FGFR2: variants seen among roughly 807,000 people sequenced by gnomAD.
The protein encoded by FGFR2 is fibroblast growth factor receptor 2, also known as BEK fibroblast growth factor receptor.
Under a neutral mutation model 95.9 loss-of-function variants are expected in FGFR2, and 19 were observed. The ratio of observed to expected loss-of-function variants is 0.20; its 90% CI spans 0.14 to 0.29. The LOEUF is 0.29. Ranked by LOEUF, FGFR2 falls within the 10% of genes least tolerant of loss-of-function variation. The probability of loss-of-function intolerance (pLI) is 1.00; values close to 1 mark genes in which losing one functional copy is unlikely to be tolerated. For synonymous variants in FGFR2, 392 were observed against 393.3 expected (o/e 1.00, Z 0.04); for missense variants, 707 against 1,056.9 (o/e 0.67, Z 4.59).
intron 4 of FGFR2, among the ~76,000 whole-genome samples, chr10:121,559,620 T>C (rs1856664331): frequency 6.6e-6 from 1 of 152,238 alleles, no homozygotes; most frequent in South Asian, 2.1e-4. Context: ...AGTATCTCCC[T>C]GGTACAGCTA....
chr10:121,481,883 C>T (rs1489193570), intron 17 of FGFR2: 2 of 214,872 alleles, frequency 9.3e-6, no homozygotes, highest in Non-Finnish European at 1.7e-5. Context: ...GTCGCCAAGG[C>T]TGGAATGCAA....
At position 121,525,620 on chromosome 10, in the gene FGFR2, TGAGG is replaced by T. The variant is rs539329117; in HGVS notation, c.749-5455_749-5452del. 1.1e-4 allele frequency among the ~76,000 whole-genome samples: 4 copies of T among 37,252 alleles called. No homozygotes were observed. The South Asian group carries it at 0.011, about 100-fold the overall frequency. 24.4% of individuals were successfully genotyped at this position (37,252 alleles called of 152,430 possible). ...CTGCTTCCTTCCAAGAGGTCATTAT[TGAGG>T]GAGAGAGAGAGAGAGAGAGAGAGGA... On this transcript the variant is annotated intron_variant, in intron 6 of 17. Transcript: ENST00000358487.
At position 121,593,717 on chromosome 10, in the gene FGFR2, T is replaced by A. The variant is rs1863014865; in HGVS notation, c.101A>T (p.Glu34Val). The change falls in exon 2 of 18, where the codon GAG (glutamate) becomes GTG (valine). Residue 34 changes from glutamate to valine, a missense_variant. This residue lies in a region of FGFR2 where 178 missense variants were observed against 194.1 expected (regional missense o/e 0.92). Transcript: ENST00000358487. ...SFSLVEDTTL[E>V]PEEPPTKYQI... is the part of the protein sequence containing the mutation. ...GAAATTAAATGACTTACCTTCTGGCTCTAATGTGGTATCCTCAACTAAACT... is the reference window on the plus strand; with the variant it reads ...GAAATTAAATGACTTACCTTCTGGCACTAATGTGGTATCCTCAACTAAACT... 6.2e-7 allele frequency: 1 copy of A among 1,613,932 alleles called. No individual in the cohort carries two copies. Among genetic ancestry groups the A allele is most frequent in the Non-Finnish European group, 8.5e-7 (1 of 1,179,826 alleles).
rs3135743 is a variant in FGFR2, at chr10:121,551,774, A to T, written c.455-315T>A. Reference sequence around the variant, plus strand: ...TCATGTTTTAAAATGCTATTTTATAAACATATGAACAACATATACAACTGC... The same window carrying T: ...TCATGTTTTAAAATGCTATTTTATATACATATGAACAACATATACAACTGC... On this transcript the variant is annotated intron_variant, in intron 4 of 17. Coordinates refer to ENST00000358487, the MANE Select transcript of FGFR2 (RefSeq NM_000141.5). Among the ~76,000 whole-genome samples, 15,057 of 152,164 alleles carry T rather than the reference A, an allele frequency of 0.099. 1,993 individuals carry two copies. Among genetic ancestry groups the T allele is most frequent in the African/African-American group, 0.3 (12,523 of 41,462 alleles).
At chr10:121,511,348 G>A (rs528166451) in intron 9 of FGFR2, among the ~76,000 whole-genome samples, 31 of 152,188 alleles carry the variant, frequency 2.0e-4, no homozygotes, top group Non-Finnish European at 4.4e-5. Flanking sequence ...TGATGTGCTC[G>A]ATGTAAAACT....
chr10:121,587,706 A>G (rs1019879527), intron 2 of FGFR2, among the ~76,000 whole-genome samples: 1 of 152,218 alleles, frequency 6.6e-6, no homozygotes, highest in African/African-American at 2.4e-5. Flanking sequence ...CATCTCACAC[A>G]AGTCAGAATG....
chr10:121,534,038 C>T (rs545054174), intron 6 of FGFR2, among the ~76,000 whole-genome samples: 14 of 151,012 alleles, frequency 9.3e-5, no homozygotes, highest in Admixed American at 7.9e-4. Flanking sequence ...GTGGAAACCT[C>T]AGCAGGAAAT....
At chr10:121,521,199 T>C (rs1184324676) in intron 6 of FGFR2, among the ~76,000 whole-genome samples, 2 of 152,216 alleles carry the variant, frequency 1.3e-5, no homozygotes, top group Non-Finnish European at 2.9e-5. Flanking sequence ...GAATGAAACA[T>C]AAGGAGATGC....
At chr10:121,496,823 T>A (rs116907295) in intron 12 of FGFR2, 101 bp from the exon 13 acceptor site, 11 of 1,160,754 alleles carry the variant, frequency 9.5e-6, no homozygotes, top group African/African-American at 1.6e-5. Flanking sequence ...TGCTTTTTTT[T>A]TTTTTTTTAA....
rs1422125612 is a variant in FGFR2 at position 121,515,142 on chromosome 10, C to T, written c.1262G>A (p.Arg421His). The change falls in exon 9 of 18, where the codon CGT becomes CAT. Residue 421 changes from arginine (R) to histidine (H), a missense_variant. By Grantham distance (29) the Arg-to-His change is conservative. This residue lies in a region of FGFR2 where 194 missense variants were observed against 267.3 expected (regional missense o/e 0.73). Coordinates refer to ENST00000358487, the MANE Select transcript of FGFR2 (RefSeq NM_000141.5). Reference protein sequence around the residue: ...SQPAVHKLTKRIPLRRQVTVS... With the variant: ...SQPAVHKLTKHIPLRRQVTVS... Reference sequence around the variant, plus strand: ...TGTTACCTGTCTCCGCAGGGGGATACGTTTGGTCAGCTTGTGCACAGCCGG... The same window carrying T: ...TGTTACCTGTCTCCGCAGGGGGATATGTTTGGTCAGCTTGTGCACAGCCGG... The T allele has an allele frequency of 5.6e-6, 9 of 1,614,132 alleles. No homozygotes were observed. Among genetic ancestry groups the T allele is most frequent in the South Asian group, 5.5e-5 (5 of 91,080 alleles).
At chr10:121,561,123 C>CT (rs1407273525) in intron 4 of FGFR2, among the ~76,000 whole-genome samples, 1 of 152,136 alleles carries the variant, frequency 6.6e-6, no homozygotes, top group Non-Finnish European at 1.5e-5. Context: ...TCTATTTTAT[C>CT]TTTTTCCTTT....
At chr10:121,592,856 G>A (rs1198777953) in intron 2 of FGFR2, among the ~76,000 whole-genome samples, 15 of 152,026 alleles carry the variant, frequency 9.9e-5, no homozygotes, top group South Asian at 2.1e-4. Flanking sequence ...TTTTATTCTC[G>A]GATTACCACT....
chr10:121,499,989 C>T (rs147624632), intron 11 of FGFR2, among the ~76,000 whole-genome samples: 1 of 152,180 alleles, frequency 6.6e-6, no homozygotes, highest in African/African-American at 2.4e-5. Context: ...AACTCCAGAG[C>T]GCCTGCGACA....
At position 121,500,817 on chromosome 10, in the gene FGFR2, C is replaced by T. The variant is rs764368267; in HGVS notation, c.1561+9G>A. 6.2e-7 allele frequency: 1 copy of T among 1,613,848 alleles called. No homozygotes were observed. The highest frequency in any genetic ancestry group is 1.1e-5 in the South Asian group (1 of 91,082). Reference sequence around the variant, plus strand: ...AGCCCCTCCCCGAGCCTCCCGCCTCCCCGCTCACCTTTCAACATCTTCACG... The same window carrying T: ...AGCCCCTCCCCGAGCCTCCCGCCTCTCCGCTCACCTTTCAACATCTTCACG... On this transcript the variant is annotated intron_variant, in intron 11 of 17. Transcript: ENST00000358487.
intron 13 of FGFR2, among the ~76,000 whole-genome samples, chr10:121,489,523 A>G (rs555217417): frequency 6.6e-6 from 1 of 152,308 alleles, no homozygotes; most frequent in Admixed American, 6.5e-5. Context: ...TATATCCTCA[A>G]GGCATTAATT....
chr10:121,480,660 A>G (rs1470839127), intron 17 of FGFR2, among the ~76,000 whole-genome samples: 1 of 152,256 alleles, frequency 6.6e-6, no homozygotes, highest in East Asian at 1.9e-4. Context: ...GGTTCAAAAA[A>G]GGCTTAGACA....
Position 121,577,186 on chromosome 10 carries a change from G to T in FGFR2, c.110-11482C>A, listed in dbSNP as rs1405635398. Among the ~76,000 whole-genome samples, 238 of 94,278 alleles carry T rather than the reference G, an allele frequency of 2.5e-3. 1 individual carries two copies. Among genetic ancestry groups the T allele is most frequent in the African/African-American group, 7.7e-3 (172 of 22,318 alleles). 61.9% of individuals were successfully genotyped at this position (94,278 alleles called of 152,430 possible). ...ATATATATATATATATATAGAGAGAGAGAGAGAGAGAGAGAGAGAGACACC... is the reference window on the plus strand; with the variant it reads ...ATATATATATATATATATAGAGAGATAGAGAGAGAGAGAGAGAGAGACACC... On this transcript the variant is annotated intron_variant, in intron 2 of 17. Coordinates refer to ENST00000358487, the MANE Select transcript of FGFR2 (RefSeq NM_000141.5).
chr10:121,500,754 T>A, intron 11 of FGFR2, 72 bp downstream of exon 11: 3 of 1,600,078 alleles, frequency 1.9e-6, no homozygotes, highest in Non-Finnish European at 2.6e-6. Flanking sequence ...AGAGTTCACA[T>A]GCCACAAAAG....
At position 121,518,779 on chromosome 10, in the gene FGFR2, C is replaced by T. The variant is rs1129318; in HGVS notation, c.939+1200G>A. 6.2e-7 allele frequency: 1 copy of T among 1,614,156 alleles called. No homozygotes were observed. The highest frequency in any genetic ancestry group is 8.5e-7 in the Non-Finnish European group (1 of 1,180,024). ...TATATTCCCCAGCATCCGCCTCGGTCACATTGAACAGAGCCAGCACTTCTG... is the reference window on the plus strand; with the variant it reads ...TATATTCCCCAGCATCCGCCTCGGTTACATTGAACAGAGCCAGCACTTCTG... On this transcript the variant is annotated intron_variant, in intron 7 of 17. Transcript: ENST00000358487. This position sits in a 1 kb window ranked among gnomAD's most constrained non-coding sequence, Gnocchi z 4.0.
Sources: allele counts gnomAD v4.1 joint callset (sites outside exome capture counted in the v4.1 genomes callset), GRCh38; gene constraint gnomAD v4.1.1; regional missense constraint gnomAD v4.1.1; non-coding constraint Gnocchi (gnomAD v3.1); transcripts MANE v1.5; gene names NCBI Gene and HGNC (gene_info 2026-07-23, HGNC 2026-07-21).